CLIC5: variants seen among roughly 807,000 people sequenced by gnomAD.
CLIC5 encodes chloride intracellular channel protein 5.
In CLIC5, 20 loss-of-function variants were observed where a neutral mutation model predicts 24.7. That is an observed-to-expected ratio of 0.81 (90% CI 0.57 to 1.18). The LOEUF is 1.18. CLIC5 is among the 50% of genes most tolerant of loss of function. CLIC5 has a pLI of 0.00. For missense variants in CLIC5, 341 were observed against 326.1 expected, an observed-to-expected ratio of 1.05 and a Z score of -0.35; for synonymous variants, 159 against 135.6, an observed-to-expected ratio of 1.17 and a Z score of -1.20.
At chr6:46,019,913 A>C (rs1241105604), upstream of CLIC5, among the ~76,000 whole-genome samples, 2 of 151,966 alleles carry the variant, frequency 1.3e-5, no homozygotes, top group East Asian at 3.9e-4. Flanking sequence ...CAGAGCTTCA[A>C]TATTGATGAA....
At chr6:46,043,616 T>C (rs975700153) in intron 1 of CLIC5, among the ~76,000 whole-genome samples, 5 of 152,222 alleles carry the variant, frequency 3.3e-5, no homozygotes, top group African/African-American at 1.2e-4. Context: ...AGGGTAATTG[T>C]AGCAGTTAGA....
At chr6:46,076,834 A>G (rs1006862049) in intron 1 of CLIC5, among the ~76,000 whole-genome samples, 1 of 152,224 alleles carries the variant, frequency 6.6e-6, no homozygotes, top group Non-Finnish European at 1.5e-5. Flanking sequence ...TCCCACTACA[A>G]TGCAAAGTGC....
Position 45,927,163 on chromosome 6 carries a change from CT to C in CLIC5, c.407-12755del, listed in dbSNP as rs397965631. ...AGAGGTGTGTTGAAGTGTTTGTATA[CT>C]TTTTTTTCTCTCATTTAACAAATAT... On this transcript the variant is annotated intron_variant, in intron 4 of 5. Transcript: ENST00000339561. 3.1e-4 allele frequency among the ~76,000 whole-genome samples: 47 copies of C among 151,802 alleles called. 1 individual carries two copies. The East Asian group carries it at 6.4e-3, about 21-fold the overall frequency.
the CLIC5 span, among the ~76,000 whole-genome samples, chr6:46,088,373 AG>A: frequency 6.6e-6 from 1 of 152,190 alleles, no homozygotes; most frequent in African/African-American, 2.4e-5. Flanking sequence ...TCAGTTTTAT[AG>A]TACTCCACAA....
the CLIC5 span, among the ~76,000 whole-genome samples, chr6:46,127,328 C>G: frequency 1.3e-5 from 2 of 152,066 alleles, no homozygotes; most frequent in Non-Finnish European, 2.9e-5. Context: ...TATATTTCTT[C>G]TATCTAACTG....
At chr6:45,932,364 C>T (rs902232724) in intron 4 of CLIC5, among the ~76,000 whole-genome samples, 6 of 152,244 alleles carry the variant, frequency 3.9e-5, no homozygotes, top group African/African-American at 1.4e-4. Context: ...GCCTTGGCCT[C>T]CCAAAGTGCT....
the CLIC5 span, among the ~76,000 whole-genome samples, chr6:46,097,816 TA>T: frequency 4.6e-5 from 7 of 152,202 alleles, no homozygotes; most frequent in South Asian, 4.1e-4. Flanking sequence ...ATTTAATTCA[TA>T]TTTTTTTTTG....
chr6:46,080,392 C>T, upstream of CLIC5: 1 of 626,292 alleles, frequency 1.6e-6, no homozygotes, highest in Non-Finnish European at 2.8e-6. Context: ...AGGTCTCTAA[C>T]AATTATTTAC....
chr6:46,022,473 T>C (rs866742770), intron 1 of CLIC5, among the ~76,000 whole-genome samples: 7 of 152,222 alleles, frequency 4.6e-5, no homozygotes, highest in African/African-American at 9.6e-5. Context: ...AAAGACATTA[T>C]GCCCTTGTGG....
At chr6:46,047,111 C>G (rs1461099856) in intron 1 of CLIC5, among the ~76,000 whole-genome samples, 1 of 152,230 alleles carries the variant, frequency 6.6e-6, no homozygotes, top group East Asian at 1.9e-4. Context: ...ACCAATGCCT[C>G]TTTTCATTAC....
downstream of CLIC5, among the ~76,000 whole-genome samples, chr6:45,896,464 T>C (rs1762393949): frequency 2.0e-5 from 3 of 152,264 alleles, no homozygotes; most frequent in Non-Finnish European, 4.4e-5. Flanking sequence ...AATTTAATGA[T>C]GGACCTAAGA....
intron 1 of CLIC5, among the ~76,000 whole-genome samples, chr6:45,976,930 T>A (rs1302654461): frequency 6.6e-6 from 1 of 152,232 alleles, no homozygotes; most frequent in Admixed American, 6.5e-5. Context: ...ATGTATGCAA[T>A]GTGCATATTG....
chr6:46,102,689 T>C, the CLIC5 span: 1 of 152,662 alleles, frequency 6.6e-6, no homozygotes, highest in Non-Finnish European at 1.5e-5. Context: ...AAGAAAGGGT[T>C]AATAAAATAC....
intron 6 of CLIC5, among the ~76,000 whole-genome samples, chr6:45,892,384 C>T (rs1181994181): frequency 6.6e-6 from 1 of 152,198 alleles, no homozygotes; most frequent in Non-Finnish European, 1.5e-5. Flanking sequence ...CTTGGTTTTG[C>T]ACCGGGAGAG....
intron 1 of CLIC5, among the ~76,000 whole-genome samples, chr6:46,011,966 A>G (rs1766825196): frequency 6.6e-6 from 1 of 152,200 alleles, no homozygotes; most frequent in South Asian, 2.1e-4. Flanking sequence ...CATGGGACTC[A>G]TAATATTCAA....
the CLIC5 span, among the ~76,000 whole-genome samples, chr6:46,093,383 C>T: frequency 6.6e-6 from 1 of 152,104 alleles, no homozygotes; most frequent in African/African-American, 2.4e-5. Context: ...TTTGATTCAG[C>T]AGGTCTGGGA....
chr6:45,953,071 A>G (rs1440346996), intron 2 of CLIC5, among the ~76,000 whole-genome samples: 1 of 152,194 alleles, frequency 6.6e-6, no homozygotes, highest in East Asian at 1.9e-4. Context: ...AACAAACTTC[A>G]TAACTGAGGT....
chr6:46,015,206 C>A (rs897127347), intron 1 of CLIC5, among the ~76,000 whole-genome samples: 2 of 152,228 alleles, frequency 1.3e-5, no homozygotes, highest in Non-Finnish European at 2.9e-5. Flanking sequence ...GGGCTCTGGA[C>A]TCGGACTCGC....
At chr6:45,898,289 A>T (rs887513026), downstream of CLIC5, among the ~76,000 whole-genome samples, 30 of 152,314 alleles carry the variant, frequency 2.0e-4, no homozygotes, top group African/African-American at 6.3e-4. Context: ...ACTAAAATAC[A>T]AAAATTATCC....
Sources: allele counts gnomAD v4.1 joint callset (sites outside exome capture counted in the v4.1 genomes callset), GRCh38; gene constraint gnomAD v4.1.1; transcripts MANE v1.5; gene names NCBI Gene and HGNC (gene_info 2026-07-23, HGNC 2026-07-21).